The following WDR41 variants were observed in gnomAD, a reference collection of about 807,000 sequenced individuals.
WDR41 encodes the protein WD repeat domain 41.
Under a neutral mutation model 69.3 loss-of-function variants are expected in WDR41, and 63 were observed. The ratio of observed to expected loss-of-function variants is 0.91; its 90% CI spans 0.74 to 1.12. The LOEUF is 1.12. Among genes scored for constraint, WDR41 ranks in the 50% most tolerant of loss-of-function variants. The pLI, the probability that WDR41 is intolerant of heterozygous loss-of-function variation, is 0.00. For synonymous variants in WDR41, 185 were observed against 192.1 expected, an observed-to-expected ratio of 0.96 and a Z score of 0.31; for missense variants, 543 against 534.5, an observed-to-expected ratio of 1.02 and a Z score of -0.16.
intron 1 of WDR41, among the ~76,000 whole-genome samples, chr5:77,561,613 T>C (rs1743525132): frequency 6.6e-6 from 1 of 152,178 alleles, no homozygotes; most frequent in Non-Finnish European, 1.5e-5. Flanking sequence ...AAAGTGAACT[T>C]GAAATAAAGT....
At chr5:77,586,447 C>T (rs1332096237) in intron 1 of WDR41, among the ~76,000 whole-genome samples, 2 of 152,044 alleles carry the variant, frequency 1.3e-5, no homozygotes, top group African/African-American at 4.8e-5. Flanking sequence ...ATTGAAACTA[C>T]AGGTGTGTGC....
chr5:77,554,441 T>C (rs907003359), intron 1 of WDR41, among the ~76,000 whole-genome samples: 1 of 152,082 alleles, frequency 6.6e-6, no homozygotes. Context: ...AGTGCTCTTG[T>C]AGAAGAGATC....
At chr5:77,540,817 T>C (rs1035065914) in intron 1 of WDR41, among the ~76,000 whole-genome samples, 17 of 152,158 alleles carry the variant, frequency 1.1e-4, no homozygotes, top group Non-Finnish European at 2.1e-4. Context: ...CAAAATTGTA[T>C]AAAACCTGTT....
intron 1 of WDR41, among the ~76,000 whole-genome samples, chr5:77,605,036 G>A (rs973489830): frequency 6.6e-6 from 1 of 152,276 alleles, no homozygotes; most frequent in African/African-American, 2.4e-5. Context: ...TGGGGGCAGA[G>A]GTGGGAGGAA....
At chr5:77,494,740 A>G (rs2112141997), upstream of WDR41, among the ~76,000 whole-genome samples, 1 of 152,308 alleles carries the variant, frequency 6.6e-6, no homozygotes, top group Middle Eastern at 3.4e-3. Flanking sequence ...CACTTTCAAT[A>G]ATAGATAGAA....
chr5:77,441,306 A>G (rs1234378389), intron 8 of WDR41, among the ~76,000 whole-genome samples: 1 of 152,240 alleles, frequency 6.6e-6, no homozygotes, highest in Non-Finnish European at 1.5e-5. Flanking sequence ...ATACACCAAA[A>G]TAAGTTTCAA....
chr5:77,564,033 C>A (rs1481625702), intron 1 of WDR41, among the ~76,000 whole-genome samples: 5 of 152,010 alleles, frequency 3.3e-5, no homozygotes, highest in Non-Finnish European at 7.4e-5. Context: ...TGTGAATGTT[C>A]TCATCTATAA....
At chr5:77,549,703 T>C (rs1305124959) in intron 1 of WDR41, among the ~76,000 whole-genome samples, 1 of 152,170 alleles carries the variant, frequency 6.6e-6, no homozygotes, top group African/African-American at 2.4e-5. Flanking sequence ...CCCAAAGCAA[T>C]CTATAAATTC....
intron 2 of WDR41, among the ~76,000 whole-genome samples, chr5:77,472,898 T>C (rs1800693644): frequency 1.3e-5 from 2 of 152,120 alleles, no homozygotes; most frequent in Non-Finnish European, 2.9e-5. Context: ...AATGACTTTC[T>C]TCACAGAATT....
In WDR41 at chr5:77,609,659, A is replaced by G. The variant is rs1457533098; in HGVS notation, c.42+10820T>C. On this transcript the variant is annotated intron_variant, in intron 1 of 5. Transcript: ENST00000509971. ...ATCCACACCAAAAACCCATCTGTAC[A>G]TCACCATCATCAAAGACCAAAAGTA... Among the ~76,000 whole-genome samples, 119 of 152,264 alleles carry G rather than the reference A, an allele frequency of 7.8e-4. 1 individual carries two copies. Among genetic ancestry groups the G allele is most frequent in the Middle Eastern group, 6.8e-3 (2 of 292 alleles).
At chr5:77,465,847 CCTTTATGAGATAACAAAA>C (rs1415131075) in intron 2 of WDR41, among the ~76,000 whole-genome samples, 1 of 151,642 alleles carries the variant, frequency 6.6e-6, no homozygotes. Context: ...ATTTTTTACC[CCTTTATGAGATAACAAAA>C]TCCCACTATT....
intron 1 of WDR41, among the ~76,000 whole-genome samples, chr5:77,568,518 G>A (rs989156180): frequency 6.6e-6 from 1 of 152,082 alleles, no homozygotes; most frequent in African/African-American, 2.4e-5. Flanking sequence ...ATACTTTGAA[G>A]AGCAGTCACT....
intron 4 of WDR41, among the ~76,000 whole-genome samples, chr5:77,460,853 G>A (rs1418503336): frequency 6.6e-6 from 1 of 152,116 alleles, no homozygotes; most frequent in Non-Finnish European, 1.5e-5. Context: ...GGATTTTGGA[G>A]CATTTCAGAT....
chr5:77,542,983 T>A (rs539422763), intron 1 of WDR41, among the ~76,000 whole-genome samples: 5 of 152,168 alleles, frequency 3.3e-5, no homozygotes, highest in African/African-American at 1.2e-4. Context: ...CACAGTACTC[T>A]GTGCAGATAA....
intron 1 of WDR41, among the ~76,000 whole-genome samples, chr5:77,517,631 CATATATATAT>C (rs34773798): frequency 8.3e-4 from 117 of 141,154 alleles, no homozygotes; most frequent in African/African-American, 6.7e-4. Flanking sequence ...ATTTATTGAA[CATATATATAT>C]ATATATATAT....
chr5:77,434,175 T>C (rs1402023617), intron 12 of WDR41, among the ~76,000 whole-genome samples: 2 of 151,600 alleles, frequency 1.3e-5, no homozygotes, highest in Non-Finnish European at 2.9e-5. Flanking sequence ...TACTAAAAAT[T>C]AGCTGGGTAT....
At chr5:77,605,088 A>G (rs1744391953) in intron 1 of WDR41, among the ~76,000 whole-genome samples, 1 of 152,180 alleles carries the variant, frequency 6.6e-6, no homozygotes, top group Non-Finnish European at 1.5e-5. Flanking sequence ...ATTGTTAACC[A>G]TTCTACCCTC....
chr5:77,495,969 A>G (rs549711073), upstream of WDR41, among the ~76,000 whole-genome samples: 7 of 152,206 alleles, frequency 4.6e-5, no homozygotes, highest in South Asian at 1.2e-3. Context: ...TCAGTATAAG[A>G]AAATCAACCA....
intron 4 of WDR41, among the ~76,000 whole-genome samples, chr5:77,460,756 TAAAC>T (rs1213500626): frequency 6.6e-6 from 1 of 152,206 alleles, no homozygotes; most frequent in Admixed American, 6.5e-5. Flanking sequence ...TTTTGTGCGT[TAAAC>T]AAAATTTTGA....
Sources: gnomAD v4.1 joint callset for allele counts (sites outside exome capture counted in the v4.1 genomes callset) on GRCh38, gnomAD v4.1.1 for gene constraint, MANE v1.5 for transcripts, NCBI Gene and HGNC (gene_info 2026-07-23, HGNC 2026-07-21) for gene names.